The following PCNX1 variants were observed in gnomAD, a reference collection of about 807,000 sequenced individuals.
PCNX1 encodes pecanex-like protein 1.
PCNX1 carries 78 observed loss-of-function variants against 242.2 expected under a neutral mutation model. The ratio of observed to expected loss-of-function variants is 0.32; its 90% CI spans 0.27 to 0.39. PCNX1 has a LOEUF of 0.39. Among genes scored for constraint, PCNX1 ranks in the 10% least tolerant of loss-of-function variants. PCNX1 has a pLI of 1.00. For missense variants in PCNX1, 2,581 were observed against 2,856.5 expected (o/e 0.90, Z 2.20); for synonymous variants, 1,024 against 1,032.9 (o/e 0.99, Z 0.17).
intron 13 of PCNX1, among the ~76,000 whole-genome samples, chr14:71,023,607 A>G (rs1158117667): frequency 6.6e-6 from 1 of 152,126 alleles, no homozygotes; most frequent in Non-Finnish European, 1.5e-5. Context: ...AAAACTTTAT[A>G]TTATTTCACT....
intron 30 of PCNX1, among the ~76,000 whole-genome samples, chr14:71,096,798 T>C (rs1037709489): frequency 7.9e-5 from 12 of 152,218 alleles, no homozygotes; most frequent in Admixed American, 2.0e-4. Flanking sequence ...CAATTGAGGG[T>C]TGCACTCAAG....
At chr14:71,014,029 G>T (rs1200168705) in intron 11 of PCNX1, among the ~76,000 whole-genome samples, 3 of 152,198 alleles carry the variant, frequency 2.0e-5, no homozygotes, top group Non-Finnish European at 2.9e-5. Flanking sequence ...GAAACTATTT[G>T]AGGCCAGGGA....
Position 70,977,244 on chromosome 14 carries a change from C to T in PCNX1, c.907C>T (p.Leu303Phe). The change falls in exon 6 of 36, where the codon CTT becomes TTT. Residue 303 changes from leucine (L) to phenylalanine (F), a missense_variant. By Grantham distance (22) the Leu-to-Phe change is conservative. This residue lies in a region of PCNX1 where 1,204 missense variants were observed against 1,216.7 expected (regional missense o/e 0.99). Coordinates refer to ENST00000304743, the MANE Select transcript of PCNX1 (RefSeq NM_014982.3). ...FPDTSLNDFP[L>F]YQQRRGLDPV... ...AGACACTTCACTGAATGATTTTCCC[C>T]TTTATCAGCAAAGACGTGGATTAGA... 2 of 1,614,190 alleles carry T rather than the reference C, an allele frequency of 1.2e-6. No homozygotes were observed. Among genetic ancestry groups the T allele is most frequent in the East Asian group, 2.2e-5 (1 of 44,882 alleles).
At chr14:71,045,031 A>C (rs1052957785) in intron 19 of PCNX1, 102 bp from the exon 20 acceptor site, 1 of 744,154 alleles carries the variant, frequency 1.3e-6, no homozygotes, top group African/African-American at 1.8e-5. Flanking sequence ...TCTAAAATGG[A>C]CGTTGTCCAT....
chr14:71,058,702 G>T (rs575157004), intron 26 of PCNX1, among the ~76,000 whole-genome samples: 116 of 152,298 alleles, frequency 7.6e-4, no homozygotes, highest in African/African-American at 2.6e-3. Context: ...TGTTAGTGGA[G>T]CAAGTACTAG....
chr14:71,026,822 G>C lies in PCNX1; in HGVS notation c.3406G>C (p.Val1136Leu). The change falls in exon 15 of 36, where the codon GTG becomes CTG. Residue 1136 changes from valine to leucine, a missense_variant. By Grantham distance (32) the Val-to-Leu change is conservative. Around this residue, in one of 9 missense-constraint regions of PCNX1, gnomAD observed 432 missense variants for 443.1 expected, o/e 0.97. Coordinates refer to ENST00000304743, the MANE Select transcript of PCNX1 (RefSeq NM_014982.3). ...IVFFIGLLPQVNTFVMYLCEQ... is the reference protein window; with the variant it reads ...IVFFIGLLPQLNTFVMYLCEQ... ...GTTTTTCATTGGTCTCCTGCCTCAG[G>C]TGAATACATTTGTAATGTACCTTTG... The C allele has an allele frequency of 1.3e-6, 2 of 1,587,132 alleles. No individual in the cohort carries two copies.
rs1383110088 is a variant in PCNX1 at position 71,114,344 on chromosome 14, T to G, written c.*4409T>G. ...TATTTTTACTTGTTAAATGTCTGTC[T>G]AGGAAGAACTGTGATTGGAAAGGAA... is the stretch of plus-strand genomic sequence containing the variant. On this transcript the variant is annotated 3_prime_UTR_variant, in exon 36 of 36. Transcript: ENST00000304743. 6.6e-5 allele frequency: 10 copies of G among 152,206 alleles called. No individual in the cohort carries two copies. Among genetic ancestry groups the G allele is most frequent in the Admixed American group, 6.5e-4 (10 of 15,284 alleles). 9.4% of individuals were successfully genotyped at this position (152,206 alleles called of 1,614,324 possible).
At chr14:70,990,252 T>G (rs972918523) in intron 7 of PCNX1, among the ~76,000 whole-genome samples, 8 of 151,936 alleles carry the variant, frequency 5.3e-5, no homozygotes, top group Non-Finnish European at 2.9e-5. Flanking sequence ...TAAAACTCTT[T>G]TAAATTAAAA....
At chr14:71,051,810 T>A (rs2061043644) in intron 23 of PCNX1, 73 bp from the exon 24 acceptor site, 1 of 1,453,490 alleles carries the variant, frequency 6.9e-7, no homozygotes, top group East Asian at 2.3e-5. Flanking sequence ...ATGTGTCTGC[T>A]AGGTTTTTGC....
At chr14:70,970,303 C>T (rs1429750249) in intron 5 of PCNX1, among the ~76,000 whole-genome samples, 4 of 151,476 alleles carry the variant, frequency 2.6e-5, no homozygotes, top group Admixed American at 2.6e-4. Context: ...GAGGTTGAGG[C>T]AGCAATAAGT....
intron 1 of PCNX1, among the ~76,000 whole-genome samples, chr14:70,921,355 T>C (rs2056366772): frequency 6.6e-6 from 1 of 152,100 alleles, no homozygotes; most frequent in African/African-American, 2.4e-5. Context: ...AATCCTCAAT[T>C]TCATATGTAT....
chr14:70,921,393 A>G (rs1218594849), intron 1 of PCNX1, among the ~76,000 whole-genome samples: 4 of 152,094 alleles, frequency 2.6e-5, no homozygotes, highest in Non-Finnish European at 5.9e-5. Flanking sequence ...CAGTCCTCCC[A>G]TCTGAGTCTC....
chr14:71,102,681 G>A (rs1042431183), intron 31 of PCNX1, among the ~76,000 whole-genome samples: 2 of 151,552 alleles, frequency 1.3e-5, no homozygotes, highest in Admixed American at 1.3e-4. Flanking sequence ...TTTTTTTTTA[G>A]TACTTTATTC....
chr14:71,011,914 C>G (rs2059831327), intron 10 of PCNX1: 1 of 189,142 alleles, frequency 5.3e-6, no homozygotes, highest in South Asian at 1.1e-4. Context: ...TAGTGTATTC[C>G]TGGAAACTGC....
chr14:70,979,689 T>C (rs1388157874), intron 6 of PCNX1, among the ~76,000 whole-genome samples: 2 of 152,126 alleles, frequency 1.3e-5, no homozygotes, highest in African/African-American at 4.8e-5. Context: ...ATGAAACATA[T>C]GAATATATGC....
At chr14:70,937,002 T>C (rs2057031124) in intron 1 of PCNX1, among the ~76,000 whole-genome samples, 1 of 151,974 alleles carries the variant, frequency 6.6e-6, no homozygotes, top group Non-Finnish European at 1.5e-5. Context: ...CTTGTAAATT[T>C]GTTTAAGTTC....
chr14:70,982,601 T>G (rs1406702090), intron 6 of PCNX1, among the ~76,000 whole-genome samples: 1 of 152,210 alleles, frequency 6.6e-6, no homozygotes, highest in Non-Finnish European at 1.5e-5. Flanking sequence ...TATATAAAAC[T>G]GCACAGAAGA....
rs1189759265 is a variant in PCNX1 at position 71,111,200 on chromosome 14, A to G, written c.*1265A>G. 1 of 152,536 alleles carries G rather than the reference A, an allele frequency of 6.6e-6. No homozygotes were observed. The highest frequency in any genetic ancestry group is 1.5e-5 in the Non-Finnish European group (1 of 68,026). 9.4% of individuals were successfully genotyped at this position (152,536 alleles called of 1,614,324 possible). ...TCATAACTTTATTTTTTTTAAATGC[A>G]TATTCAGGGAAATATATTACTCATA... On this transcript the variant is annotated 3_prime_UTR_variant, in exon 36 of 36. Transcript: ENST00000304743.
chr14:71,063,444 A>G (rs2061372103), intron 26 of PCNX1, among the ~76,000 whole-genome samples: 1 of 152,206 alleles, frequency 6.6e-6, no homozygotes, highest in Admixed American at 6.5e-5. Flanking sequence ...CAATTAGTAT[A>G]TAATAAGTAT....
Sources: allele counts gnomAD v4.1 joint callset (sites outside exome capture counted in the v4.1 genomes callset), GRCh38; gene constraint gnomAD v4.1.1; regional missense constraint gnomAD v4.1.1; transcripts MANE v1.5; gene names NCBI Gene and HGNC (gene_info 2026-07-23, HGNC 2026-07-21).